Variants in AGFG1 observed in about 807,000 individuals in gnomAD.
The protein encoded by AGFG1 is arf-GAP domain and FG repeat-containing protein 1.
A neutral mutation model predicts 60.6 loss-of-function variants in AGFG1; 10 were observed. The ratio of observed to expected loss-of-function variants is 0.16; its 90% CI spans 0.10 to 0.28. The LOEUF is 0.28. AGFG1 is among the 10% of genes least tolerant of loss of function. AGFG1 has a pLI of 1.00. For synonymous variants in AGFG1, 247 were observed against 242.9 expected (o/e 1.02, Z -0.16); for missense variants, 537 against 676.5 (o/e 0.79, Z 2.29).
chr2:227,552,412 T>C (rs1575120745), intron 11 of AGFG1, among the ~76,000 whole-genome samples: 2 of 152,312 alleles, frequency 1.3e-5, no homozygotes, highest in East Asian at 1.9e-4. Flanking sequence ...TGTTCTAATA[T>C]ACCTCTTGAT....
chr2:227,556,202 CAT>C lies in AGFG1; in HGVS notation c.*1708_*1709del, dbSNP rs1553554291. The C allele has an allele frequency of 6.6e-6, 1 of 152,160 alleles. No individual in the cohort carries two copies. The highest frequency in any genetic ancestry group is 1.5e-5 in the Non-Finnish European group (1 of 68,010). The allele number at this position is 152,160 out of a possible 1,614,324, so 9.4% of individuals were successfully genotyped here. On this transcript the variant is annotated 3_prime_UTR_variant, in exon 13 of 13. Transcript: ENST00000310078. ...AAGCTTTGGTATTAAAAGAGGTAAA[CAT>C]CAGTTTCCTCAAACATTTTATTCAT...
intron 10 of AGFG1, among the ~76,000 whole-genome samples, chr2:227,551,096 T>C (rs1263003244): frequency 6.6e-6 from 1 of 152,200 alleles, no homozygotes; most frequent in Non-Finnish European, 1.5e-5. Context: ...TTTCTCCCGA[T>C]GTGGTAATAC....
At chr2:227,549,702 T>C (rs1559201763) in intron 10 of AGFG1, among the ~76,000 whole-genome samples, 2 of 152,246 alleles carry the variant, frequency 1.3e-5, no homozygotes, top group African/African-American at 4.8e-5. Flanking sequence ...TAATCTCATA[T>C]GATCCTATGA....
At chr2:227,550,753 A>T (rs1692794562) in intron 10 of AGFG1, among the ~76,000 whole-genome samples, 1 of 152,194 alleles carries the variant, frequency 6.6e-6, no homozygotes, top group South Asian at 2.1e-4. Flanking sequence ...TCAGCTTTTT[A>T]AAAATAAAAG....
chr2:227,485,012 G>T, intron 1 of AGFG1, among the ~76,000 whole-genome samples: 1 of 151,856 alleles, frequency 6.6e-6, no homozygotes, highest in East Asian at 1.9e-4. Context: ...ACCTAGCCTA[G>T]TGGGTTTTTT....
intron 10 of AGFG1, among the ~76,000 whole-genome samples, chr2:227,551,405 C>A (rs1376271588): frequency 6.6e-6 from 1 of 152,044 alleles, no homozygotes; most frequent in African/African-American, 2.4e-5. Context: ...TCTCTCTTCT[C>A]TGGCTGTAGT....
intron 8 of AGFG1, 91 bp from the exon 9 acceptor site, chr2:227,536,534 G>A (rs921696160): frequency 6.0e-6 from 6 of 1,005,748 alleles, no homozygotes; most frequent in Non-Finnish European, 7.8e-6. Flanking sequence ...TGTGATACAC[G>A]ATATGTTCAT....
At chr2:227,534,103 A>G (rs1692239367) in intron 7 of AGFG1, among the ~76,000 whole-genome samples, 1 of 151,850 alleles carries the variant, frequency 6.6e-6, no homozygotes, top group Non-Finnish European at 1.5e-5. Context: ...TCTGTAATAT[A>G]TTTACTTCGA....
At chr2:227,522,312 A>G (rs551825646) in intron 3 of AGFG1, among the ~76,000 whole-genome samples, 1 of 152,354 alleles carries the variant, frequency 6.6e-6, no homozygotes, top group East Asian at 1.9e-4. Context: ...ACCAATAACT[A>G]TCATTTGATT....
chr2:227,541,249 T>C (rs1692484208), intron 10 of AGFG1, among the ~76,000 whole-genome samples: 1 of 152,226 alleles, frequency 6.6e-6, no homozygotes, highest in African/African-American at 2.4e-5. Context: ...TTTTGGTGTT[T>C]TAGTCACGAA....
intron 2 of AGFG1, among the ~76,000 whole-genome samples, chr2:227,507,602 C>CA (rs1162277041): frequency 0.52 from 32,085 of 61,188 alleles, 10,012 homozygotes; most frequent in South Asian, 0.62. Flanking sequence ...GACTCTGTCT[C>CA]AAAAAAAAAA....
chr2:227,549,088 C>G (rs1692741465), intron 10 of AGFG1, among the ~76,000 whole-genome samples: 1 of 151,282 alleles, frequency 6.6e-6, no homozygotes, highest in Non-Finnish European at 1.5e-5. Context: ...GTATTTATTG[C>G]AAAGCACTCT....
chr2:227,501,254 T>C (rs1464623605), intron 2 of AGFG1, among the ~76,000 whole-genome samples: 3 of 152,132 alleles, frequency 2.0e-5, no homozygotes, highest in Non-Finnish European at 4.4e-5. Context: ...CTAGTTTTTG[T>C]ATTTTTAGTA....
At chr2:227,486,263 G>C (rs1232740862) in intron 1 of AGFG1, among the ~76,000 whole-genome samples, 9 of 152,164 alleles carry the variant, frequency 5.9e-5, no homozygotes, top group Non-Finnish European at 1.5e-5. Context: ...CTTTTCTGTG[G>C]GGTGGGGGAT....
intron 7 of AGFG1, among the ~76,000 whole-genome samples, chr2:227,534,368 AT>A (rs1692247811): frequency 6.6e-6 from 1 of 152,184 alleles, no homozygotes; most frequent in African/African-American, 2.4e-5. Flanking sequence ...GTATTATTGC[AT>A]GTTAAGGCAT....
At chr2:227,475,711 C>T (rs926700031) in intron 1 of AGFG1, among the ~76,000 whole-genome samples, 2 of 152,138 alleles carry the variant, frequency 1.3e-5, no homozygotes, top group African/African-American at 4.8e-5. Context: ...TGGCCCAGAT[C>T]CATCCTTGTA....
In AGFG1 at chr2:227,555,075, A is replaced by G. The variant is rs972856560; in HGVS notation, c.*580A>G. 1 of 152,602 alleles carries G rather than the reference A, an allele frequency of 6.6e-6. No homozygotes were observed. The highest frequency in any genetic ancestry group is 1.5e-5 in the Non-Finnish European group (1 of 68,000). The allele number at this position is 152,602 out of a possible 1,614,324, so 9.5% of individuals were successfully genotyped here. A position where few individuals can be genotyped will look rare whatever the true frequency, so the allele number is the denominator to read the frequency against. ...ACCTGTCTGCATAATAAAGCTGATCATGTTTTGCTACAGTTTGCAGGTGAA... is the reference window on the plus strand; with the variant it reads ...ACCTGTCTGCATAATAAAGCTGATCGTGTTTTGCTACAGTTTGCAGGTGAA... On this transcript the variant is annotated 3_prime_UTR_variant, in exon 13 of 13. Coordinates refer to ENST00000310078, the MANE Select transcript of AGFG1 (RefSeq NM_004504.5).
intron 1 of AGFG1, among the ~76,000 whole-genome samples, chr2:227,486,255 T>G (rs1353718027): frequency 2.0e-5 from 3 of 152,186 alleles, no homozygotes; most frequent in Non-Finnish European, 2.9e-5. Context: ...TTGTCTTTCT[T>G]TTCTGTGGGG....
intron 2 of AGFG1, among the ~76,000 whole-genome samples, chr2:227,495,437 C>A (rs1216926072): frequency 6.6e-6 from 1 of 151,082 alleles, no homozygotes; most frequent in East Asian, 2.0e-4. Context: ...TCCCGGCTAC[C>A]CAGGAGGCTG....
Sources: gnomAD v4.1 joint callset for allele counts (sites outside exome capture counted in the v4.1 genomes callset) on GRCh38, gnomAD v4.1.1 for gene constraint, MANE v1.5 for transcripts, NCBI Gene and HGNC (gene_info 2026-07-23, HGNC 2026-07-21) for gene names.